Variants in RYR2 observed in about 807,000 individuals in gnomAD.
RYR2 encodes cardiac muscle ryanodine receptor-calcium release channel.
A neutral mutation model predicts 601.1 loss-of-function variants in RYR2; 227 were observed. That is an observed-to-expected ratio of 0.38 (90% CI 0.34 to 0.42). The LOEUF is 0.42. Among genes scored for constraint, RYR2 ranks in the 10% least tolerant of loss-of-function variants. The probability of loss-of-function intolerance (pLI) is 1.00; values close to 1 mark genes in which losing one functional copy is unlikely to be tolerated. For missense variants in RYR2, 4,646 were observed against 6,156.5 expected (o/e 0.75, Z 8.21); for synonymous variants, 2,223 against 2,175.1 (o/e 1.02, Z -0.61).
intron 84 of RYR2, among the ~76,000 whole-genome samples, chr1:237,769,739 CTTT>C (rs370357517): frequency 8.0e-6 from 1 of 125,196 alleles, no homozygotes; most frequent in African/African-American, 2.9e-5. Flanking sequence ...GTAAAAAGTT[CTTT>C]TTTTTTTTTT....
At chr1:237,542,180 G>A (rs1389568413) in intron 25 of RYR2, among the ~76,000 whole-genome samples, 2 of 151,900 alleles carry the variant, frequency 1.3e-5, no homozygotes, top group Non-Finnish European at 2.9e-5. Context: ...CGCAAGCTCC[G>A]CCTCCCGGGT....
intron 29 of RYR2, among the ~76,000 whole-genome samples, chr1:237,575,763 A>AT (rs1248402949): frequency 1.3e-5 from 2 of 152,200 alleles, no homozygotes; most frequent in African/African-American, 4.8e-5. Context: ...GTGCTAAAAG[A>AT]TTTTTTCTAA....
chr1:237,280,882 T>G (rs1452428802), intron 2 of RYR2, among the ~76,000 whole-genome samples: 1 of 152,044 alleles, frequency 6.6e-6, no homozygotes, highest in Non-Finnish European at 1.5e-5. Context: ...CCTTCTAGGT[T>G]CAAGTGATTC....
At chr1:237,516,893 C>G (rs909382483) in intron 24 of RYR2, among the ~76,000 whole-genome samples, 2 of 152,194 alleles carry the variant, frequency 1.3e-5, no homozygotes, top group African/African-American at 4.8e-5. Context: ...GTCACCCAGA[C>G]TACCATAGCC....
intron 1 of RYR2, among the ~76,000 whole-genome samples, chr1:237,074,548 A>C (rs1056327636): frequency 6.6e-6 from 1 of 152,124 alleles, no homozygotes; most frequent in Non-Finnish European, 1.5e-5. Context: ...CTTTTGTCTT[A>C]TTGCATAACT....
chr1:237,516,569 T>C (rs1666570701), intron 24 of RYR2, among the ~76,000 whole-genome samples: 1 of 152,196 alleles, frequency 6.6e-6, no homozygotes, highest in South Asian at 2.1e-4. Flanking sequence ...TATCCATCTC[T>C]ACCCCAGACA....
In RYR2 at chr1:237,700,410, A is replaced by G. The variant is rs1289777181; in HGVS notation, c.9310A>G (p.Met3104Val). 6 of 1,610,372 alleles carry G rather than the reference A, an allele frequency of 3.7e-6. No individual in the cohort carries two copies. Among genetic ancestry groups the G allele is most frequent in the African/African-American group, 2.7e-5 (2 of 75,002 alleles). Residue 3104 changes from methionine to valine, a missense_variant, in exon 65 of 105, where the codon ATG becomes GTG. By Grantham distance (21) the Met-to-Val change is conservative. Coordinates refer to ENST00000366574, the MANE Select transcript of RYR2 (RefSeq NM_001035.3). The part of the protein sequence containing the change: ...INYTTVALLP[M>V]LSSLFEHIGQ... ...TTACACCACAGTGGCCCTGCTGCCAATGCTGTCTTCATTATTTGAACATAT... is the reference window on the plus strand; with the variant it reads ...TTACACCACAGTGGCCCTGCTGCCAGTGCTGTCTTCATTATTTGAACATAT...
chr1:237,648,417 A>G, intron 48 of RYR2, 27 bp from the exon 49 acceptor site: 1 of 1,572,134 alleles, frequency 6.4e-7, no homozygotes, highest in Admixed American at 1.8e-5. Context: ...ACAGCCATTG[A>G]CACCAAAATT....
At chr1:237,483,046 GC>G (rs1662291643) in intron 17 of RYR2, among the ~76,000 whole-genome samples, 1 of 151,958 alleles carries the variant, frequency 6.6e-6, no homozygotes. Context: ...TCTGTGCCTC[GC>G]TGTGTCTCTC....
At chr1:237,668,551 G>A (rs1427661660) in intron 58 of RYR2, among the ~76,000 whole-genome samples, 5 of 152,324 alleles carry the variant, frequency 3.3e-5, no homozygotes, top group East Asian at 1.9e-4. Context: ...GTGTGTGTGC[G>A]CGCATATGCG....
At chr1:237,219,347 C>G (rs376079233) in intron 1 of RYR2, among the ~76,000 whole-genome samples, 1 of 152,132 alleles carries the variant, frequency 6.6e-6, no homozygotes, top group Non-Finnish European at 1.5e-5. Context: ...TCCATTCACT[C>G]ATCATAGGAC....
intron 1 of RYR2, among the ~76,000 whole-genome samples, chr1:237,190,868 C>T (rs187275226): frequency 3.3e-5 from 5 of 152,076 alleles, no homozygotes; most frequent in East Asian, 3.9e-4. Flanking sequence ...CTGTAAGCTG[C>T]GTTTTTACTC....
intron 2 of RYR2, among the ~76,000 whole-genome samples, chr1:237,316,134 A>G (rs1242704726): frequency 1.3e-5 from 2 of 152,180 alleles, no homozygotes; most frequent in Non-Finnish European, 2.9e-5. Flanking sequence ...TAATTTTAGA[A>G]ATTACATTGA....
At chr1:237,134,345 A>G (rs1384762498) in intron 1 of RYR2, among the ~76,000 whole-genome samples, 2 of 152,140 alleles carry the variant, frequency 1.3e-5, no homozygotes, top group Non-Finnish European at 2.9e-5. Flanking sequence ...GAGACTGGGT[A>G]ATTTACAAAG....
At chr1:237,253,163 C>CAAAA (rs33931680) in intron 1 of RYR2, among the ~76,000 whole-genome samples, 2 of 109,632 alleles carry the variant, frequency 1.8e-5, no homozygotes, top group Non-Finnish European at 3.8e-5. Flanking sequence ...GACTCCGTCT[C>CAAAA]AAAAAAAAAA....
rs184937795 is a variant in RYR2, at chr1:237,708,883, A to G, written c.9927A>G (p.Lys3309=). 6.2e-6 allele frequency: 10 copies of G among 1,611,346 alleles called. No homozygotes were observed. The Admixed American group carries it at 1.5e-4, about 24-fold the overall frequency. The change falls in exon 69 of 105, where the codon AAA becomes AAG. Residue 3309 remains lysine, a synonymous_variant. Coordinates refer to ENST00000366574, the MANE Select transcript of RYR2 (RefSeq NM_001035.3). ...TGTTTTCCCAGCCTATAATAAATAA[A>G]GTGAAACCTCAGCTCTTGAAAACTC... ...LAVFSQPIIN[K]VKPQLLKTHF...
At chr1:237,652,059 GA>G in intron 51 of RYR2, among the ~76,000 whole-genome samples, 1 of 152,154 alleles carries the variant, frequency 6.6e-6, no homozygotes, top group African/African-American at 2.4e-5. Context: ...GGACCACAGG[GA>G]AAAGATAAGC....
chr1:237,127,370 G>A (rs1200383926), intron 1 of RYR2, among the ~76,000 whole-genome samples: 1 of 151,386 alleles, frequency 6.6e-6, no homozygotes, highest in East Asian at 2.0e-4. Flanking sequence ...GCTGGGCAGA[G>A]GCGCCCCTCA....
intron 24 of RYR2, among the ~76,000 whole-genome samples, chr1:237,527,264 C>T (rs951740762): frequency 6.6e-6 from 1 of 152,092 alleles, no homozygotes; most frequent in African/African-American, 2.4e-5. Context: ...CTTAGGATTG[C>T]CTTGGCTATT....
Sources: allele counts gnomAD v4.1 joint callset (sites outside exome capture counted in the v4.1 genomes callset), GRCh38; gene constraint gnomAD v4.1.1; transcripts MANE v1.5; gene names NCBI Gene and HGNC (gene_info 2026-07-23, HGNC 2026-07-21).